The following PCDHGB7 variants were observed in gnomAD, a reference collection of about 807,000 sequenced individuals.
PCDHGB7 encodes the protein protocadherin gamma-B7.
In PCDHGB7, 37 loss-of-function variants were observed where a neutral mutation model predicts 61.4. That is an observed-to-expected ratio of 0.60 (90% CI 0.46 to 0.79). The LOEUF (loss-of-function observed/expected upper bound fraction) is 0.79. Among genes scored for constraint, PCDHGB7 ranks in the 30% least tolerant of loss-of-function variants. The pLI is 0.00. For synonymous variants in PCDHGB7, 464 were observed against 503.5 expected (o/e 0.92, Z 1.05); for missense variants, 1,166 against 1,202.5 (o/e 0.97, Z 0.45).
Position 141,476,645 on chromosome 5 carries a change from A to C in PCDHGB7, c.2416-18162A>C. 1 of 1,614,246 alleles carries C rather than the reference A, an allele frequency of 6.2e-7. No homozygotes were observed. The highest frequency in any genetic ancestry group is 8.5e-7 in the Non-Finnish European group (1 of 1,180,052). On this transcript the variant is annotated intron_variant, in intron 1 of 3. Coordinates refer to ENST00000398594, the MANE Select transcript of PCDHGB7 (RefSeq NM_018927.4). The surrounding 1 kb of genome is among the most constrained non-coding windows in gnomAD (Gnocchi z 7.6). ...TTTACAAACCTATGAGCTGAGCCGA[A>C]ATGAATACTTTGCGCTTCGCGTGCA...
In PCDHGB7 at chr5:141,475,977, A is replaced by G. The variant is rs369460464; in HGVS notation, c.2416-18830A>G. The stretch of plus-strand genomic sequence containing the variant: ...CCCCGGGATGAGGCAGAGACTGAAC[A>G]GCCGGCGAGCAAATCAACGGCATCC... On this transcript the variant is annotated intron_variant, in intron 1 of 3. Transcript: ENST00000398594. The G allele has an allele frequency of 2.2e-5, 21 of 972,826 alleles. No individual in the cohort carries two copies. The South Asian group carries it at 2.8e-4, about 13-fold the overall frequency. 60.3% of individuals were successfully genotyped at this position (972,826 alleles called of 1,614,324 possible).
At position 141,418,640 on chromosome 5, in the gene PCDHGB7, A is replaced by G. The variant is rs1042874136; in HGVS notation, c.781A>G (p.Ile261Val). Residue 261 changes from isoleucine to valine, a missense_variant, in exon 1 of 4, where the codon ATC (isoleucine) becomes GTC (valine). Ile to Val is a conservative substitution (Grantham distance 29). Coordinates refer to ENST00000398594, the MANE Select transcript of PCDHGB7 (RefSeq NM_018927.4). ...GGAAGACGTGCCTCCAGGCACCTCCATCCTGAGAGTGAAGGCCACTGACCA... is the reference window on the plus strand; with the variant it reads ...GGAAGACGTGCCTCCAGGCACCTCCGTCCTGAGAGTGAAGGCCACTGACCA... ...LREDVPPGTS[I>V]LRVKATDQDE... The G allele has an allele frequency of 1.2e-6, 2 of 1,614,042 alleles. No homozygotes were observed. Among genetic ancestry groups the G allele is most frequent in the Non-Finnish European group, 1.7e-6 (2 of 1,179,882 alleles).
chr5:141,506,435 G>A (rs1470687416), intron 3 of PCDHGB7, among the ~76,000 whole-genome samples: 7 of 126,234 alleles, frequency 5.5e-5, no homozygotes, highest in African/African-American at 2.0e-4. Context: ...CAACAGTCTC[G>A]CTCTGTCTCA....
At chr5:141,498,967 GGGAGGGAAGGAA>G (rs1374222518) in intron 2 of PCDHGB7, among the ~76,000 whole-genome samples, 13 of 129,674 alleles carry the variant, frequency 1.0e-4, no homozygotes, top group South Asian at 5.5e-4. Context: ...GAGGGAGGGA[GGGAGGGAAGGAA>G]GGAAGGAAGG....
chr5:141,477,043 G>A lies in PCDHGB7; in HGVS notation c.2416-17764G>A. The A allele has an allele frequency of 6.2e-7, 1 of 1,614,260 alleles. No individual in the cohort carries two copies. Among genetic ancestry groups the A allele is most frequent in the Middle Eastern group, 1.6e-4 (1 of 6,062 alleles). On this transcript the variant is annotated intron_variant, in intron 1 of 3. Coordinates refer to ENST00000398594, the MANE Select transcript of PCDHGB7 (RefSeq NM_018927.4). This position sits in a 1 kb window ranked among gnomAD's most constrained non-coding sequence, Gnocchi z 4.9. The stretch of plus-strand genomic sequence containing the variant: ...CCGGGATGCTGACAATCAAGGGTCG[G>A]CTGGACTTCGAGGACACCAAACTCC...
At chr5:141,495,446 C>A (rs1165861519) in intron 2 of PCDHGB7, among the ~76,000 whole-genome samples, 1 of 152,220 alleles carries the variant, frequency 6.6e-6, no homozygotes, top group African/African-American at 2.4e-5. Flanking sequence ...CCCTACTTGT[C>A]CTGCTCTCTG....
intron 2 of PCDHGB7, among the ~76,000 whole-genome samples, chr5:141,504,870 AG>A (rs1453764331): frequency 6.6e-6 from 1 of 151,996 alleles, no homozygotes; most frequent in Non-Finnish European, 1.5e-5. Context: ...CCACCTTCAC[AG>A]TCCTCTGGAG....
rs143638501 is a variant in PCDHGB7, at chr5:141,486,817, T to C, written c.2416-7990T>C. On this transcript the variant is annotated intron_variant, in intron 1 of 3. Coordinates refer to ENST00000398594, the MANE Select transcript of PCDHGB7 (RefSeq NM_018927.4). This position sits in a 1 kb window ranked among gnomAD's most constrained non-coding sequence, Gnocchi z 5.0. ...GGGGCAACCCACCCCTTAGCAGCACTGTAACAGTTCGTCTATTTGTGCTGG... is the reference window on the plus strand; with the variant it reads ...GGGGCAACCCACCCCTTAGCAGCACCGTAACAGTTCGTCTATTTGTGCTGG... 153 of 1,614,220 alleles carry C rather than the reference T, an allele frequency of 9.5e-5. 1 individual carries two copies. In the African/African-American group the frequency reaches 1.4e-3, roughly 15 times the overall value.
intron 1 of PCDHGB7, among the ~76,000 whole-genome samples, chr5:141,482,178 C>T (rs950570560): frequency 2.6e-5 from 4 of 151,968 alleles, no homozygotes; most frequent in African/African-American, 4.8e-5. Context: ...TAAGGCTTTA[C>T]GATGCTCCAG....
At position 141,419,981 on chromosome 5, in the gene PCDHGB7, A is replaced by C; in HGVS notation, c.2122A>C (p.Ile708Leu). ...LISVLFLLAV[I>L]LAIALRLRQS... ...TTCTGTGCTCTTTCTCCTCGCGGTG[A>C]TTCTAGCTATTGCTCTACGCCTGCG... Residue 708 changes from isoleucine (I) to leucine (L), a missense_variant, in exon 1 of 4, where the codon ATT (isoleucine) becomes CTT (leucine). Ile to Leu is a conservative substitution (Grantham distance 5). Coordinates refer to ENST00000398594, the MANE Select transcript of PCDHGB7 (RefSeq NM_018927.4). 2 of 1,614,052 alleles carry C rather than the reference A, an allele frequency of 1.2e-6. No individual in the cohort carries two copies. The highest frequency in any genetic ancestry group is 1.7e-6 in the Non-Finnish European group (2 of 1,179,908).
intron 1 of PCDHGB7, among the ~76,000 whole-genome samples, chr5:141,482,326 G>T (rs982211258): frequency 6.6e-6 from 1 of 152,072 alleles, no homozygotes. Context: ...AAAATAAAGA[G>T]AATATCTACT....
At chr5:141,446,830 A>G (rs1289946397) in intron 1 of PCDHGB7, among the ~76,000 whole-genome samples, 1 of 152,176 alleles carries the variant, frequency 6.6e-6, no homozygotes, top group Non-Finnish European at 1.5e-5. Flanking sequence ...GTAGATCCTT[A>G]TAAGGCTGAG....
chr5:141,424,519 A>T (rs1216899186), intron 1 of PCDHGB7: 1 of 152,222 alleles, frequency 6.6e-6, no homozygotes, highest in African/African-American at 2.4e-5. Context: ...TTAATGTAGT[A>T]AATCCATATA....
chr5:141,461,138 C>T (rs1416058747), intron 1 of PCDHGB7, among the ~76,000 whole-genome samples: 1 of 151,942 alleles, frequency 6.6e-6, no homozygotes, highest in East Asian at 1.9e-4. Flanking sequence ...ACTTATTTTC[C>T]TTTGGGTAGA....
intron 1 of PCDHGB7, chr5:141,429,167 T>TAC (rs1357037045): frequency 6.6e-5 from 9 of 136,102 alleles, no homozygotes; most frequent in African/African-American, 8.8e-5. Context: ...AGACATTGTT[T>TAC]ATACACACAC....
intron 1 of PCDHGB7, among the ~76,000 whole-genome samples, chr5:141,458,988 C>G (rs996478276): frequency 6.6e-6 from 1 of 152,208 alleles, no homozygotes; most frequent in African/African-American, 2.4e-5. Flanking sequence ...CTGCCTCACC[C>G]TCCCAAAGTG....
intron 1 of PCDHGB7, among the ~76,000 whole-genome samples, chr5:141,439,161 C>T (rs1384707803): frequency 6.6e-6 from 1 of 150,850 alleles, no homozygotes; most frequent in Non-Finnish European, 1.5e-5. Flanking sequence ...CCACTGCACT[C>T]CAGCCTGGGC....
At chr5:141,425,111 A>C (rs2096857405) in intron 1 of PCDHGB7, among the ~76,000 whole-genome samples, 1 of 152,144 alleles carries the variant, frequency 6.6e-6, no homozygotes, top group Non-Finnish European at 1.5e-5. Flanking sequence ...AGATGCCTAC[A>C]TTTTTCTTGA....
rs754074516 is a variant in PCDHGB7, at chr5:141,418,974, G to C, written c.1115G>C (p.Arg372Pro). ...PGVVVALFKT[R>P]DQDSGENGEV... is the part of the protein sequence containing the mutation. The stretch of plus-strand genomic sequence containing the variant: ...GTGGTTGTTGCCCTCTTCAAAACAC[G>C]GGACCAAGACTCAGGGGAAAATGGG... Residue 372 changes from arginine (R) to proline (P), a missense_variant, in exon 1 of 4, where the codon CGG (arginine) becomes CCG (proline). Arg to Pro is a moderately radical substitution (Grantham distance 103). Coordinates refer to ENST00000398594, the MANE Select transcript of PCDHGB7 (RefSeq NM_018927.4). The C allele has an allele frequency of 1.0e-4, 167 of 1,613,818 alleles. No individual in the cohort carries two copies. Among genetic ancestry groups the C allele is most frequent in the Non-Finnish European group, 1.4e-4 (164 of 1,179,878 alleles).
Sources: gnomAD v4.1 joint callset for allele counts (sites outside exome capture counted in the v4.1 genomes callset) on GRCh38, gnomAD v4.1.1 for gene constraint, Gnocchi (gnomAD v3.1) non-coding constraint, MANE v1.5 for transcripts, NCBI Gene and HGNC (gene_info 2026-07-23, HGNC 2026-07-21) for gene names.